The following EAF2 variants were observed in gnomAD, a reference collection of about 807,000 sequenced individuals.
EAF2 encodes ELL-associated factor 2.
EAF2 carries 29 observed loss-of-function variants against 29.4 expected under a neutral mutation model. The observed-to-expected ratio is 0.99, with a 90% CI of 0.73 to 1.35. The LOEUF (loss-of-function observed/expected upper bound fraction) is 1.35. EAF2 is among the 40% of genes most tolerant of loss of function. The pLI is 0.00. For synonymous variants in EAF2, 103 were observed against 102.5 expected (o/e 1.00, Z -0.03); for missense variants, 292 against 312.0 (o/e 0.94, Z 0.48).
intron 5 of EAF2, among the ~76,000 whole-genome samples, chr3:121,879,233 G>T: frequency 6.6e-6 from 1 of 152,018 alleles, no homozygotes; most frequent in Middle Eastern, 3.2e-3. Flanking sequence ...GGTATTATAT[G>T]GGGGTTCTTT....
At position 121,886,376 on chromosome 3, in the gene EAF2, CAG is replaced by C; in HGVS notation, c.772_773del (p.Ser258Ter). 6.8e-7 allele frequency: 1 copy of C among 1,476,204 alleles called. No individual in the cohort carries two copies. Among genetic ancestry groups the C allele is most frequent in the Non-Finnish European group, 9.0e-7 (1 of 1,106,538 alleles). The allele number at this position is 1,476,204 out of a possible 1,614,324, so 91.4% of individuals were successfully genotyped here. On this transcript the variant is annotated frameshift_variant, in exon 6 of 6. Coordinates refer to ENST00000273668, the MANE Select transcript of EAF2 (RefSeq NM_018456.6). LOFTEE classifies it high-confidence loss of function. ...DLQLSESGSD[S>X]DD ...TGCAGCTGAGTGAATCAGGAAGTGA[CAG>C]TGATGACTGAAGAAATATTTAGCTA...
At chr3:121,866,782 C>A (rs1284033655) in intron 4 of EAF2, among the ~76,000 whole-genome samples, 1 of 151,870 alleles carries the variant, frequency 6.6e-6, no homozygotes, top group Non-Finnish European at 1.5e-5. Context: ...ACCTGTCGTA[C>A]CGTAATTTGT....
chr3:121,846,037 TG>T, intron 2 of EAF2, among the ~76,000 whole-genome samples: 1 of 152,176 alleles, frequency 6.6e-6, no homozygotes, highest in Non-Finnish European at 1.5e-5. Context: ...AAGAAAATGC[TG>T]GATTTTTTGA....
intron 4 of EAF2, among the ~76,000 whole-genome samples, chr3:121,857,742 A>G (rs1708746686): frequency 6.6e-6 from 1 of 152,158 alleles, no homozygotes; most frequent in African/African-American, 2.4e-5. Context: ...TTACATATGT[A>G]TACATGTGGC....
intron 4 of EAF2, among the ~76,000 whole-genome samples, chr3:121,867,049 T>C (rs1391044567): frequency 6.6e-6 from 1 of 152,110 alleles, no homozygotes; most frequent in Admixed American, 6.6e-5. Context: ...ATGGGCTCAG[T>C]GCTAGGGATT....
rs1352701729 is a variant in EAF2, at chr3:121,835,325, G to A, written c.40G>A (p.Glu14Lys). 3.7e-6 allele frequency: 6 copies of A among 1,614,120 alleles called. No individual in the cohort carries two copies. In the Admixed American group the frequency reaches 5.0e-5, roughly 13 times the overall value. The change falls in exon 1 of 6, where the codon GAG (glutamate) becomes AAG (lysine). Residue 14 changes from glutamate to lysine, a missense_variant. Glu to Lys is a moderately conservative substitution (Grantham distance 56). Transcript: ENST00000273668. Reference protein sequence around the residue: ...AAGFSHLDRRERVLKLGESFE... With the variant: ...AAGFSHLDRRKRVLKLGESFE... ...GGGATTCTCACACCTAGACCGTCGC[G>A]AGCGGGTTCTCAAGTTAGGGGAGAG...
chr3:121,850,334 T>A (rs1708609210), intron 2 of EAF2, among the ~76,000 whole-genome samples: 1 of 152,028 alleles, frequency 6.6e-6, no homozygotes, highest in Non-Finnish European at 1.5e-5. Context: ...GTCTTTGATT[T>A]TTTTTTCATT....
chr3:121,843,691 G>A (rs1055856527), intron 1 of EAF2, among the ~76,000 whole-genome samples: 7 of 152,002 alleles, frequency 4.6e-5, no homozygotes, highest in African/African-American at 9.7e-5. Context: ...TGTTTAACAT[G>A]TGAAATATCT....
intron 5 of EAF2, among the ~76,000 whole-genome samples, chr3:121,885,033 G>A (rs979880630): frequency 2.0e-5 from 3 of 152,082 alleles, no homozygotes; most frequent in African/African-American, 7.2e-5. Context: ...ATATCCAACT[G>A]CCAGTACCAT....
At chr3:121,873,364 T>C (rs1463007646) in intron 5 of EAF2, among the ~76,000 whole-genome samples, 1 of 151,870 alleles carries the variant, frequency 6.6e-6, no homozygotes, top group Non-Finnish European at 1.5e-5. Flanking sequence ...GCTGAAGTTC[T>C]TCCTCTTTAC....
At chr3:121,857,716 A>C (rs1185981660) in intron 4 of EAF2, among the ~76,000 whole-genome samples, 1 of 152,158 alleles carries the variant, frequency 6.6e-6, no homozygotes, top group Non-Finnish European at 1.5e-5. Flanking sequence ...GTACATGTAC[A>C]CAACGTGCAG....
chr3:121,844,583 G>A (rs775686381), intron 2 of EAF2, 36 bp downstream of exon 2: 2 of 1,336,938 alleles, frequency 1.5e-6, no homozygotes, highest in Non-Finnish European at 2.1e-6. Context: ...GATCACTTTT[G>A]TGGGATTCTC....
chr3:121,845,834 G>A (rs761336292), intron 2 of EAF2, among the ~76,000 whole-genome samples: 1 of 152,144 alleles, frequency 6.6e-6, no homozygotes, highest in Non-Finnish European at 1.5e-5. Flanking sequence ...AAAATTTCCA[G>A]ATGTATCCAA....
At chr3:121,852,216 T>C (rs777609074) in intron 2 of EAF2, among the ~76,000 whole-genome samples, 1 of 152,250 alleles carries the variant, frequency 6.6e-6, no homozygotes, top group Non-Finnish European at 1.5e-5. Flanking sequence ...TAATACATTG[T>C]AATTTTTAGA....
chr3:121,845,321 C>T (rs1265884971), intron 2 of EAF2, among the ~76,000 whole-genome samples: 1 of 150,270 alleles, frequency 6.7e-6, no homozygotes, highest in Non-Finnish European at 1.5e-5. Context: ...ACCTGTAGTC[C>T]CAGCTATTTG....
At chr3:121,846,131 G>A (rs1316450092) in intron 2 of EAF2, among the ~76,000 whole-genome samples, 1 of 152,094 alleles carries the variant, frequency 6.6e-6, no homozygotes, top group Non-Finnish European at 1.5e-5. Context: ...GCATTAATGA[G>A]ATGGTTTACC....
intron 2 of EAF2, among the ~76,000 whole-genome samples, chr3:121,848,340 A>G (rs1355270193): frequency 2.6e-5 from 4 of 152,190 alleles, no homozygotes; most frequent in Admixed American, 2.6e-4. Context: ...TTTTGGCTGC[A>G]CTATAGGAGT....
intron 2 of EAF2, among the ~76,000 whole-genome samples, chr3:121,849,544 C>T (rs1330461824): frequency 6.6e-6 from 1 of 152,118 alleles, no homozygotes; most frequent in East Asian, 1.9e-4. Context: ...CTTCTGTGGG[C>T]TTTTATGAAA....
chr3:121,875,149 AT>A (rs1324424137), intron 5 of EAF2, among the ~76,000 whole-genome samples: 1 of 151,854 alleles, frequency 6.6e-6, no homozygotes, highest in Non-Finnish European at 1.5e-5. Flanking sequence ...CCTGAGTCAT[AT>A]TTTCTATTTG....
Sources: gnomAD v4.1 joint callset for allele counts (sites outside exome capture counted in the v4.1 genomes callset) on GRCh38, gnomAD v4.1.1 for gene constraint, MANE v1.5 for transcripts, NCBI Gene and HGNC (gene_info 2026-07-23, HGNC 2026-07-21) for gene names.